KCNQ1: variants seen among roughly 807,000 people sequenced by gnomAD.
KCNQ1 encodes the protein potassium voltage-gated channel subfamily Q member 1.
A neutral mutation model predicts 72.4 loss-of-function variants in KCNQ1; 49 were observed. That is an observed-to-expected ratio of 0.68 (90% confidence interval 0.54 to 0.86). The LOEUF is 0.86. Among genes scored for constraint, KCNQ1 ranks in the 40% least tolerant of loss-of-function variants. The pLI is 0.00. For missense variants in KCNQ1, 790 were observed against 945.1 expected (o/e 0.84, Z 2.15); for synonymous variants, 450 against 412.6 (o/e 1.09, Z -1.10).
rs999698279 is a variant in KCNQ1, at chr11:2,543,334, C to T, written c.477+15316C>T. ...CTGTGCTCAGGCTGGAGTGCAGTGG[C>T]GTAAACGTAGCTCACTGCAACCTCG... On this transcript the variant is annotated intron_variant, in intron 2 of 15. Coordinates refer to ENST00000155840, the MANE Select transcript of KCNQ1 (RefSeq NM_000218.3). This position sits in a 1 kb window ranked among gnomAD's most constrained non-coding sequence, Gnocchi z 5.6. 2.6e-5 allele frequency among the ~76,000 whole-genome samples: 4 copies of T among 151,810 alleles called. No homozygotes were observed. The highest frequency in any genetic ancestry group is 4.8e-5 in the African/African-American group (2 of 41,314).
rs1460729936 is a variant in KCNQ1, at chr11:2,457,507, T to G, written c.386+12023T>G. ...TGCAGCTGGAGGTCGTTATCCTAAG[T>G]GAATTAATGCAGAAACTGAAAACCA... On this transcript the variant is annotated intron_variant, in intron 1 of 15. Transcript: ENST00000155840. The surrounding 1 kb of genome is among the most constrained non-coding windows in gnomAD (Gnocchi z 5.0). 6.6e-6 allele frequency among the ~76,000 whole-genome samples: 1 copy of G among 152,000 alleles called. No individual in the cohort carries two copies. The highest frequency in any genetic ancestry group is 1.5e-5 in the Non-Finnish European group (1 of 68,008).
At chr11:2,618,266 G>A (rs1250433692) in intron 10 of KCNQ1, 7 of 398,240 alleles carry the variant, frequency 1.8e-5, no homozygotes, top group Non-Finnish European at 3.1e-5. Flanking sequence ...ATTGTCTTAG[G>A]CCACACATAA....
intron 10 of KCNQ1, chr11:2,646,431 G>C (rs1849667017): frequency 5.0e-6 from 2 of 398,436 alleles, no homozygotes. Flanking sequence ...CCTTGGTTAA[G>C]CTTTGCTTTT....
At chr11:2,558,770 G>A (rs1848112309) in intron 2 of KCNQ1, among the ~76,000 whole-genome samples, 3 of 152,154 alleles carry the variant, frequency 2.0e-5, no homozygotes, top group Non-Finnish European at 4.4e-5. Context: ...ATTACTGAGA[G>A]GCCCCACTCT....
At position 2,673,980 on chromosome 11, in the gene KCNQ1, G is replaced by C. The variant is rs954551285; in HGVS notation, c.1514+11899G>C. The C allele has an allele frequency of 4.8e-6, 1 of 207,792 alleles. No homozygotes were observed. Among genetic ancestry groups the C allele is most frequent in the Non-Finnish European group, 9.3e-6 (1 of 107,452 alleles). 12.9% of individuals were successfully genotyped at this position (207,792 alleles called of 1,614,324 possible). A position where few individuals can be genotyped will look rare whatever the true frequency, so the allele number is the denominator to read the frequency against. On this transcript the variant is annotated intron_variant, in intron 11 of 15. Coordinates refer to ENST00000155840, the MANE Select transcript of KCNQ1 (RefSeq NM_000218.3). This position sits in a 1 kb window ranked among gnomAD's most constrained non-coding sequence, Gnocchi z 4.5. ...AGCCACAAGGGGATGCCCAGCATTG[G>C]GGGTGGGGTGGGGGGAGGGCCCTCC...
Position 2,674,832 on chromosome 11 carries a change from TAAAAAAAAAAAAAA to T in KCNQ1, c.1514+12766_1514+12779del. On this transcript the variant is annotated intron_variant, in intron 11 of 15. Coordinates refer to ENST00000155840, the MANE Select transcript of KCNQ1 (RefSeq NM_000218.3). This position sits in a 1 kb window ranked among gnomAD's most constrained non-coding sequence, Gnocchi z 5.9. ...GCTTGTCACCCTAATAGCTGTTTTTTAAAAAAAAAAAAAAAAAAAAAAAAAAAAGCTCACTGGGC... is the reference window on the plus strand; with the variant it reads ...GCTTGTCACCCTAATAGCTGTTTTTTAAAAAAAAAAAAAAGCTCACTGGGC... The T allele has an allele frequency of 3.3e-6, 1 of 303,392 alleles. No individual in the cohort carries two copies. Among genetic ancestry groups the T allele is most frequent in the East Asian group, 4.8e-5 (1 of 20,780 alleles). 18.8% of individuals were successfully genotyped at this position (303,392 alleles called of 1,614,324 possible).
At position 2,483,695 on chromosome 11, in the gene KCNQ1, G is replaced by C. The variant is rs560062328; in HGVS notation, c.386+38211G>C. Among the ~76,000 whole-genome samples, 3 of 152,158 alleles carry C rather than the reference G, an allele frequency of 2.0e-5. No individual in the cohort carries two copies. Among genetic ancestry groups the C allele is most frequent in the African/African-American group, 4.8e-5 (2 of 41,438 alleles). ...GATCAAGATTGTGCATTTTTGGCAA[G>C]AACACCGCGGGAGTGTTGTTGGGTC... On this transcript the variant is annotated intron_variant, in intron 1 of 15. Transcript: ENST00000155840. The surrounding 1 kb of genome is among the most constrained non-coding windows in gnomAD (Gnocchi z 6.1).
At chr11:2,681,402 G>A in intron 11 of KCNQ1, 1 of 398,478 alleles carries the variant, frequency 2.5e-6, no homozygotes, top group Non-Finnish European at 4.4e-6. Context: ...GTGACTAAAG[G>A]CAAAGAATGG....
At position 2,598,339 on chromosome 11, in the gene KCNQ1, ACT is replaced by A. The variant is rs1351356671; in HGVS notation, c.1393+9486_1393+9487del. The stretch of plus-strand genomic sequence containing the variant: ...AATTTTTAAGCAGTAAATTTTTATC[ACT>A]GTTATTTATTTCTAATTTAGTAGGC... On this transcript the variant is annotated intron_variant, in intron 10 of 15. Transcript: ENST00000155840. The surrounding 1 kb of genome is among the most constrained non-coding windows in gnomAD (Gnocchi z 6.2). Among the ~76,000 whole-genome samples the A allele has an allele frequency of 6.6e-6, 1 of 151,962 alleles. No individual in the cohort carries two copies. Among genetic ancestry groups the A allele is most frequent in the Non-Finnish European group, 1.5e-5 (1 of 67,978 alleles).
rs919101057 is a variant in KCNQ1, at chr11:2,600,299, A to G, written c.1393+11445A>G. ...ACCTGCTGAGCTAAAGCAGTCCCTC[A>G]GGATTGTTTCTTAAAACAAAACAAA... On this transcript the variant is annotated intron_variant, in intron 10 of 15. Coordinates refer to ENST00000155840, the MANE Select transcript of KCNQ1 (RefSeq NM_000218.3). This position sits in a 1 kb window ranked among gnomAD's most constrained non-coding sequence, Gnocchi z 5.6. Among the ~76,000 whole-genome samples the G allele has an allele frequency of 6.6e-6, 1 of 152,214 alleles. No individual in the cohort carries two copies. The highest frequency in any genetic ancestry group is 1.5e-5 in the Non-Finnish European group (1 of 68,034).
chr11:2,470,480 GT>G (rs1253821425), intron 1 of KCNQ1, among the ~76,000 whole-genome samples: 1 of 152,096 alleles, frequency 6.6e-6, no homozygotes, highest in African/African-American at 2.4e-5. Context: ...AGAACATCTC[GT>G]TATCTCGTCT....
chr11:2,658,020 A>T lies in KCNQ1; in HGVS notation c.1394-3941A>T. 1 of 398,542 alleles carries T rather than the reference A, an allele frequency of 2.5e-6. No homozygotes were observed. The highest frequency in any genetic ancestry group is 3.6e-5 in the East Asian group (1 of 28,076). The allele number at this position is 398,542 out of a possible 1,614,324, so 24.7% of individuals were successfully genotyped here. On this transcript the variant is annotated intron_variant, in intron 10 of 15. Coordinates refer to ENST00000155840, the MANE Select transcript of KCNQ1 (RefSeq NM_000218.3). The surrounding 1 kb of genome is among the most constrained non-coding windows in gnomAD (Gnocchi z 4.9). The stretch of plus-strand genomic sequence containing the variant: ...TGAATAGCTGTTTTTCCCTTTCCAT[A>T]GCTTAGTCTTTAGAAGCGAGTCACT...
At position 2,592,511 on chromosome 11, in the gene KCNQ1, G is replaced by T. The variant is rs1449200739; in HGVS notation, c.1393+3657G>T. The stretch of plus-strand genomic sequence containing the variant: ...CCCTCAACCTTCTGACCTGGGTGGG[G>T]AGGGAGGGGAATGTCAGCAGCCACC... On this transcript the variant is annotated intron_variant, in intron 10 of 15. Transcript: ENST00000155840. This position sits in a 1 kb window ranked among gnomAD's most constrained non-coding sequence, Gnocchi z 5.2. Among the ~76,000 whole-genome samples the T allele has an allele frequency of 6.6e-6, 1 of 152,130 alleles. No homozygotes were observed. The highest frequency in any genetic ancestry group is 1.5e-5 in the Non-Finnish European group (1 of 67,994).
Position 2,669,674 on chromosome 11 carries a change from A to G in KCNQ1, c.1514+7593A>G. ...GGAGTATATCTCACAGTATTAGTGT[A>G]AGGCCTTGAGGAGATGGTGTTAGGC... On this transcript the variant is annotated intron_variant, in intron 11 of 15. Coordinates refer to ENST00000155840, the MANE Select transcript of KCNQ1 (RefSeq NM_000218.3). The surrounding 1 kb of genome is among the most constrained non-coding windows in gnomAD (Gnocchi z 5.6). 5.0e-6 allele frequency: 2 copies of G among 398,640 alleles called. No individual in the cohort carries two copies. The highest frequency in any genetic ancestry group is 2.5e-4 in the South Asian group (2 of 7,854). The allele number at this position is 398,640 out of a possible 1,614,324, so 24.7% of individuals were successfully genotyped here.
At chr11:2,632,385 GA>G in intron 10 of KCNQ1, 1 of 398,296 alleles carries the variant, frequency 2.5e-6, no homozygotes, top group Non-Finnish European at 4.4e-6. Context: ...TCTTTGGCTA[GA>G]AAGCCACTAC....
chr11:2,514,279 G>T (rs1338593183), intron 1 of KCNQ1, among the ~76,000 whole-genome samples: 1 of 152,266 alleles, frequency 6.6e-6, no homozygotes, highest in African/African-American at 2.4e-5. Flanking sequence ...GAGCCCGGCA[G>T]CATCTTGCCA....
rs1850437921 is a variant in KCNQ1, at chr11:2,683,705, C to A, written c.1514+21624C>A. ...GAAAAGCCTAGCCTGGGACTCAGGC[C>A]TTTCCTTACTCCCTCTGGTTACCTA... On this transcript the variant is annotated intron_variant, in intron 11 of 15. Coordinates refer to ENST00000155840, the MANE Select transcript of KCNQ1 (RefSeq NM_000218.3). The surrounding 1 kb of genome is among the most constrained non-coding windows in gnomAD (Gnocchi z 4.7). 7.5e-6 allele frequency: 3 copies of A among 398,498 alleles called. No homozygotes were observed. Among genetic ancestry groups the A allele is most frequent in the Admixed American group, 8.8e-5 (2 of 22,716 alleles). The allele number at this position is 398,498 out of a possible 1,614,324, so 24.7% of individuals were successfully genotyped here.
intron 8 of KCNQ1, among the ~76,000 whole-genome samples, chr11:2,587,216 G>A (rs915549635): frequency 1.3e-5 from 2 of 152,202 alleles, no homozygotes; most frequent in African/African-American, 2.4e-5. Flanking sequence ...TCCTATGCAC[G>A]CTGTGTACCC....
In KCNQ1 at chr11:2,685,526, C is replaced by T. The variant is rs543461646; in HGVS notation, c.1514+23445C>T. On this transcript the variant is annotated intron_variant, in intron 11 of 15. Coordinates refer to ENST00000155840, the MANE Select transcript of KCNQ1 (RefSeq NM_000218.3). ...ATCCAGACAGGAGACGCTAGTCCTACAGGTGCAGTGGGAGGATCTGCAGAT... is the reference window on the plus strand; with the variant it reads ...ATCCAGACAGGAGACGCTAGTCCTATAGGTGCAGTGGGAGGATCTGCAGAT... 21 of 398,750 alleles carry T rather than the reference C, an allele frequency of 5.3e-5. No individual in the cohort carries two copies. In the South Asian group the frequency reaches 1.0e-3, roughly 19 times the overall value. The allele number at this position is 398,750 out of a possible 1,614,324, so 24.7% of individuals were successfully genotyped here.
Sources: gnomAD v4.1 joint callset for allele counts (sites outside exome capture counted in the v4.1 genomes callset) on GRCh38, gnomAD v4.1.1 for gene constraint, Gnocchi (gnomAD v3.1) non-coding constraint, MANE v1.5 for transcripts, NCBI Gene and HGNC (gene_info 2026-07-23, HGNC 2026-07-21) for gene names.